Variants in PTAR1 observed in about 807,000 individuals in gnomAD.
The protein encoded by PTAR1 is protein prenyltransferase alpha subunit repeat containing 1, also known as protein prenyltransferase alpha subunit repeat-containing protein 1.
PTAR1 carries 17 observed loss-of-function variants against 45.5 expected under a neutral mutation model. The observed-to-expected ratio is 0.37, with a 90% CI of 0.26 to 0.56. The LOEUF (loss-of-function observed/expected upper bound fraction) is 0.56, where lower values mean the gene tolerates loss of function less well. Ranked by LOEUF, PTAR1 falls within the 20% of genes least tolerant of loss-of-function variation. The probability of loss-of-function intolerance (pLI) is 0.77; values close to 1 mark genes in which losing one functional copy is unlikely to be tolerated. For missense variants in PTAR1, 391 were observed against 476.3 expected, an observed-to-expected ratio of 0.82 and a Z score of 1.67; for synonymous variants, 169 against 171.3, an observed-to-expected ratio of 0.99 and a Z score of 0.11.
At chr9:69,744,633 G>A (rs542447430) in intron 2 of PTAR1, among the ~76,000 whole-genome samples, 167 of 152,174 alleles carry the variant, frequency 1.1e-3, no homozygotes, top group African/African-American at 3.8e-3. Context: ...TGATCCACCC[G>A]CCTCAGTCTC....
chr9:69,712,080 A>G lies in PTAR1; in HGVS notation c.*6262T>C, dbSNP rs1315201423. 6.6e-6 allele frequency: 1 copy of G among 152,126 alleles called. No individual in the cohort carries two copies. The highest frequency in any genetic ancestry group is 1.5e-5 in the Non-Finnish European group (1 of 68,010). The allele number at this position is 152,126 out of a possible 1,614,324, so 9.4% of individuals were successfully genotyped here. A position where few individuals can be genotyped will look rare whatever the true frequency, so the allele number is the denominator to read the frequency against. ...TTCTAATAGAATGCTCCTTGAATCA[A>G]TATCTGCCATATGAAATTATATGAC... On this transcript the variant is annotated 3_prime_UTR_variant, in exon 8 of 8. Transcript: ENST00000340434.
chr9:69,715,700 A>G lies in PTAR1; in HGVS notation c.*2642T>C, dbSNP rs1280979135. The G allele has an allele frequency of 6.6e-6, 1 of 152,186 alleles. No individual in the cohort carries two copies. Among genetic ancestry groups the G allele is most frequent in the African/African-American group, 2.4e-5 (1 of 41,460 alleles). The allele number at this position is 152,186 out of a possible 1,614,324, so 9.4% of individuals were successfully genotyped here. A position where few individuals can be genotyped will look rare whatever the true frequency, so the allele number is the denominator to read the frequency against. On this transcript the variant is annotated 3_prime_UTR_variant, in exon 8 of 8. Coordinates refer to ENST00000340434, the MANE Select transcript of PTAR1 (RefSeq NM_001099666.2). Reference sequence around the variant, plus strand: ...AGAAAACAGACACATCCTTTCTACTACATAAGCTCAGTCAAAGACATTATC... The same window carrying G: ...AGAAAACAGACACATCCTTTCTACTGCATAAGCTCAGTCAAAGACATTATC...
At chr9:69,758,560 G>A in intron 1 of PTAR1, 1 of 214,710 alleles carries the variant, frequency 4.7e-6, no homozygotes, top group South Asian at 5.6e-5. Context: ...ATAAGGGGGA[G>A]GGAAGTGGAT....
Position 69,759,964 on chromosome 9 carries a change from G to T in PTAR1, c.-26C>A, listed in dbSNP as rs775836507. ...GTTGGCGGCGGCCGCGACAGTTCGG[G>T]CGCGCCTCCGCGTGAGCCGGGCCGC... On this transcript the variant is annotated 5_prime_UTR_variant, in exon 1 of 8. Coordinates refer to ENST00000340434, the MANE Select transcript of PTAR1 (RefSeq NM_001099666.2). The T allele has an allele frequency of 6.9e-6, 10 of 1,454,320 alleles. No homozygotes were observed. The highest frequency in any genetic ancestry group is 9.1e-6 in the Non-Finnish European group (10 of 1,096,430). 90.1% of individuals were successfully genotyped at this position (1,454,320 alleles called of 1,614,324 possible).
intron 1 of PTAR1, chr9:69,758,828 ATAAAT>A (rs1040220920): frequency 2.7e-4 from 41 of 151,822 alleles, no homozygotes; most frequent in Non-Finnish European, 5.6e-5. Flanking sequence ...TAAAATAAAA[ATAAAT>A]TAAATAATAA....
intron 1 of PTAR1, 56 bp from the exon 2 acceptor site, chr9:69,751,006 A>AT (rs1826504445): frequency 8.2e-7 from 1 of 1,218,626 alleles, no homozygotes; most frequent in Non-Finnish European, 1.1e-6. Context: ...CCTTTTCAAC[A>AT]TTTTTCTAAT....
At chr9:69,744,054 T>C (rs1280289896) in intron 2 of PTAR1, among the ~76,000 whole-genome samples, 1 of 152,166 alleles carries the variant, frequency 6.6e-6, no homozygotes, top group Admixed American at 6.5e-5. Flanking sequence ...TAGTCTGCTC[T>C]CTAAGAGATT....
At chr9:69,720,181 C>A (rs990678755) in intron 6 of PTAR1, among the ~76,000 whole-genome samples, 2 of 152,158 alleles carry the variant, frequency 1.3e-5, no homozygotes, top group African/African-American at 4.8e-5. Flanking sequence ...GCCTCTTGTG[C>A]CAGTTAGCCA....
Position 69,740,375 on chromosome 9 carries a change from A to G in PTAR1, c.323+1417T>C, listed in dbSNP as rs549176553. On this transcript the variant is annotated intron_variant, in intron 3 of 7. Coordinates refer to ENST00000340434, the MANE Select transcript of PTAR1 (RefSeq NM_001099666.2). Reference sequence around the variant, plus strand: ...GCTCAACGGGCTTATAGAATATACAATGAATAACACGTGTGTATACACATA... The same window carrying G: ...GCTCAACGGGCTTATAGAATATACAGTGAATAACACGTGTGTATACACATA... Among the ~76,000 whole-genome samples the G allele has an allele frequency of 2.6e-4, 40 of 152,048 alleles. No homozygotes were observed. In the South Asian group the frequency reaches 8.1e-3, roughly 31 times the overall value.
intron 5 of PTAR1, among the ~76,000 whole-genome samples, chr9:69,731,613 C>T (rs1825540779): frequency 6.6e-6 from 1 of 152,178 alleles, no homozygotes; most frequent in African/African-American, 2.4e-5. Flanking sequence ...AAATACTGAT[C>T]TCTAGATCCA....
intron 1 of PTAR1, 76 bp downstream of exon 1, chr9:69,759,777 G>C (rs893686396): frequency 3.4e-5 from 48 of 1,393,860 alleles, no homozygotes; most frequent in Non-Finnish European, 4.3e-5. Flanking sequence ...CCCGCCGCCC[G>C]AGGTCGGGTG....
chr9:69,749,358 C>G (rs1281805853), intron 2 of PTAR1, among the ~76,000 whole-genome samples: 2 of 152,096 alleles, frequency 1.3e-5, no homozygotes, highest in African/African-American at 4.8e-5. Flanking sequence ...AACAGTACAG[C>G]TTTGTTTGGC....
chr9:69,750,770 T>C lies in PTAR1; in HGVS notation c.256+11A>G. 2 of 1,592,688 alleles carry C rather than the reference T, an allele frequency of 1.3e-6. No homozygotes were observed. The highest frequency in any genetic ancestry group is 1.7e-6 in the Non-Finnish European group (2 of 1,168,670). ...TAAAAACCAAATGAAGAAAATATGA[T>C]TCATACTTACCATCTCTGTTCAGCC... On this transcript the variant is annotated intron_variant, in intron 2 of 7. Coordinates refer to ENST00000340434, the MANE Select transcript of PTAR1 (RefSeq NM_001099666.2).
At chr9:69,754,746 A>G (rs1464803170) in intron 1 of PTAR1, among the ~76,000 whole-genome samples, 2 of 149,198 alleles carry the variant, frequency 1.3e-5, no homozygotes, top group Admixed American at 6.7e-5. Flanking sequence ...GTAGAGATGT[A>G]GTCCCACTAT....
intron 3 of PTAR1, among the ~76,000 whole-genome samples, chr9:69,735,924 A>C (rs1457895119): frequency 6.7e-6 from 1 of 149,090 alleles, no homozygotes; most frequent in Non-Finnish European, 1.5e-5. Flanking sequence ...TGTTCAGGAA[A>C]CCAATTTGTC....
intron 3 of PTAR1, among the ~76,000 whole-genome samples, chr9:69,737,233 C>G (rs1825829405): frequency 6.6e-6 from 1 of 151,992 alleles, no homozygotes; most frequent in Non-Finnish European, 1.5e-5. Flanking sequence ...GCACACACAA[C>G]CACGTCTAGC....
intron 4 of PTAR1, 26 bp from the exon 5 acceptor site, chr9:69,732,378 G>A: frequency 1.3e-6 from 2 of 1,505,180 alleles, no homozygotes; most frequent in Non-Finnish European, 9.2e-7. Context: ...GTGGGAAAGA[G>A]AACACAGAAA....
chr9:69,727,232 G>C (rs1825331414), intron 5 of PTAR1, among the ~76,000 whole-genome samples: 1 of 151,998 alleles, frequency 6.6e-6, no homozygotes, highest in Admixed American at 6.6e-5. Context: ...ATTATTAACA[G>C]TAATTACCAT....
chr9:69,721,036 T>C (rs1824976960), intron 6 of PTAR1, among the ~76,000 whole-genome samples: 1 of 152,198 alleles, frequency 6.6e-6, no homozygotes, highest in African/African-American at 2.4e-5. Flanking sequence ...CTTTCAAGTC[T>C]TGTTAAGAAA....
Sources: allele counts gnomAD v4.1 joint callset (sites outside exome capture counted in the v4.1 genomes callset), GRCh38; gene constraint gnomAD v4.1.1; transcripts MANE v1.5; gene names NCBI Gene and HGNC (gene_info 2026-07-23, HGNC 2026-07-21).